The following SEMA6D variants were observed in gnomAD, a reference collection of about 807,000 sequenced individuals.
The protein encoded by SEMA6D is semaphorin 6D, also known as semaphorin-6D.
Under a neutral mutation model 106.6 loss-of-function variants are expected in SEMA6D, and 35 were observed. That is an observed-to-expected ratio of 0.33 (90% CI 0.25 to 0.44). The LOEUF is 0.44. SEMA6D is among the 20% of genes least tolerant of loss of function. SEMA6D has a pLI of 1.00. For synonymous variants in SEMA6D, 499 were observed against 487.7 expected (o/e 1.02, Z -0.31); for missense variants, 1,185 against 1,345.9 (o/e 0.88, Z 1.87).
At chr15:47,409,788 C>A (rs2040722374) in intron 1 of SEMA6D, among the ~76,000 whole-genome samples, 1 of 151,836 alleles carries the variant, frequency 6.6e-6, no homozygotes, top group African/African-American at 2.4e-5. Flanking sequence ...AGTCATAGTC[C>A]ACCTTAAAAA....
intron 1 of SEMA6D, among the ~76,000 whole-genome samples, chr15:47,325,670 C>G (rs1038193400): frequency 6.6e-6 from 1 of 152,132 alleles, no homozygotes; most frequent in African/African-American, 2.4e-5. Context: ...CTTATTGTCC[C>G]TGCTCTCTTC....
At position 47,771,861 on chromosome 15, in the gene SEMA6D, A is replaced by T; in HGVS notation, c.*76A>T. 7.2e-7 allele frequency: 1 copy of T among 1,385,514 alleles called. No individual in the cohort carries two copies. Among genetic ancestry groups the T allele is most frequent in the Middle Eastern group, 1.9e-4 (1 of 5,368 alleles). The allele number at this position is 1,385,514 out of a possible 1,614,324, so 85.8% of individuals were successfully genotyped here. A position where few individuals can be genotyped will look rare whatever the true frequency, so the allele number is the denominator to read the frequency against. On this transcript the variant is annotated 3_prime_UTR_variant, in exon 19 of 19. Transcript: ENST00000536845. The stretch of plus-strand genomic sequence containing the variant: ...AGGATGATGTTGTAAGGGTACCTTA[A>T]AACAAGAGACTCGCTTGTATTTTAA...
intron 4 of SEMA6D, among the ~76,000 whole-genome samples, chr15:47,632,293 G>A (rs1245668157): frequency 6.6e-6 from 1 of 151,918 alleles, no homozygotes. Context: ...TTTTGGGATA[G>A]AGTGTTCTCT....
At chr15:47,335,883 C>G (rs539443144) in intron 1 of SEMA6D, among the ~76,000 whole-genome samples, 20 of 152,190 alleles carry the variant, frequency 1.3e-4, no homozygotes, top group African/African-American at 4.1e-4. Context: ...TGTGGAAGGT[C>G]AAGTGGACCG....
chr15:47,375,994 A>G (rs193106908), intron 1 of SEMA6D, among the ~76,000 whole-genome samples: 1 of 152,352 alleles, frequency 6.6e-6, no homozygotes, highest in African/African-American at 2.4e-5. Context: ...TAAATTGTTT[A>G]TATTATTAGC....
chr15:47,219,905 G>C (rs938042020), intron 1 of SEMA6D, among the ~76,000 whole-genome samples: 1 of 152,158 alleles, frequency 6.6e-6, no homozygotes, highest in African/African-American at 2.4e-5. Flanking sequence ...GATCTTAGTT[G>C]AGCTCTCACA....
intron 3 of SEMA6D, among the ~76,000 whole-genome samples, chr15:47,586,977 C>T (rs1337013738): frequency 6.7e-6 from 1 of 149,340 alleles, no homozygotes; most frequent in African/African-American, 2.5e-5. Flanking sequence ...GGGAAGGCTG[C>T]CAAAGGGTAG....
intron 1 of SEMA6D, among the ~76,000 whole-genome samples, chr15:47,735,131 C>G (rs628501): frequency 0.22 from 33,412 of 152,036 alleles, 4,196 homozygotes; most frequent in South Asian, 0.33. Flanking sequence ...TGATTTTCAG[C>G]CCAAGAAGTT....
chr15:47,214,939 G>T (rs1403113044), intron 1 of SEMA6D, among the ~76,000 whole-genome samples: 3 of 151,748 alleles, frequency 2.0e-5, no homozygotes, highest in African/African-American at 7.3e-5. Context: ...CATTTAGTTT[G>T]TTCTTTCTTT....
At chr15:47,294,921 C>A (rs562125806) in intron 1 of SEMA6D, among the ~76,000 whole-genome samples, 9 of 152,242 alleles carry the variant, frequency 5.9e-5, no homozygotes, top group African/African-American at 2.2e-4. Context: ...CAGTCTGGAA[C>A]AAAATCTGAA....
chr15:47,478,983 GTGAAATCCCCCACCACCCCATGA>G (rs992168806), intron 3 of SEMA6D, among the ~76,000 whole-genome samples: 2 of 152,034 alleles, frequency 1.3e-5, no homozygotes, highest in Non-Finnish European at 2.9e-5. Context: ...AGAACAGCAT[GTGAAATCCCCCACCACCCCATGA>G]TTCAATTGCC....
At chr15:47,307,700 A>T (rs1179123550) in intron 1 of SEMA6D, among the ~76,000 whole-genome samples, 2 of 152,148 alleles carry the variant, frequency 1.3e-5, no homozygotes, top group Non-Finnish European at 1.5e-5. Context: ...TTAAAGGGGG[A>T]TACAATGAGG....
rs537499984 is a variant in SEMA6D, at chr15:47,690,001, C to T, written c.-54-69744C>T. Reference sequence around the variant, plus strand: ...AAAATGTTTCCTGGGCAGGCCAGTTCTGCTGTTAAAAACCCCCTCCATGGC... The same window carrying T: ...AAAATGTTTCCTGGGCAGGCCAGTTTTGCTGTTAAAAACCCCCTCCATGGC... On this transcript the variant is annotated intron_variant, in intron 4 of 19. Transcript: ENST00000558014. Among the ~76,000 whole-genome samples the T allele has an allele frequency of 9.8e-4, 149 of 152,272 alleles. 1 individual carries two copies. Among genetic ancestry groups the T allele is most frequent in the African/African-American group, 3.5e-3 (145 of 41,556 alleles).
chr15:47,548,882 T>C (rs1306636098), intron 3 of SEMA6D, among the ~76,000 whole-genome samples: 2 of 152,140 alleles, frequency 1.3e-5, no homozygotes, highest in Non-Finnish European at 2.9e-5. Context: ...TAATGGACTT[T>C]CCTGGAAGAT....
intron 3 of SEMA6D, among the ~76,000 whole-genome samples, chr15:47,543,017 G>C (rs2045404888): frequency 6.6e-6 from 1 of 152,114 alleles, no homozygotes; most frequent in Admixed American, 6.6e-5. Flanking sequence ...CTGTTGATAG[G>C]TATCTGTTTA....
chr15:47,597,089 A>G (rs2076551527), intron 3 of SEMA6D, among the ~76,000 whole-genome samples: 1 of 152,014 alleles, frequency 6.6e-6, no homozygotes, highest in Non-Finnish European at 1.5e-5. Context: ...GCAGAAAAAT[A>G]AATAACTCAA....
At chr15:47,692,705 G>C (rs2078615610) in intron 4 of SEMA6D, among the ~76,000 whole-genome samples, 2 of 152,152 alleles carry the variant, frequency 1.3e-5, no homozygotes, top group African/African-American at 4.8e-5. Context: ...ATGGCTGGTG[G>C]TGTCTCCTGG....
intron 2 of SEMA6D, among the ~76,000 whole-genome samples, chr15:47,465,668 T>C (rs1006267317): frequency 3.3e-5 from 5 of 152,092 alleles, no homozygotes; most frequent in Non-Finnish European, 7.4e-5. Context: ...ACCTCCTCCT[T>C]CTCTCTCTTC....
At chr15:47,220,725 T>C (rs1419683976) in intron 1 of SEMA6D, among the ~76,000 whole-genome samples, 2 of 152,224 alleles carry the variant, frequency 1.3e-5, no homozygotes, top group African/African-American at 4.8e-5. Context: ...GTCTTTCTGG[T>C]CTCTCACAGG....
Sources: allele counts gnomAD v4.1 joint callset (sites outside exome capture counted in the v4.1 genomes callset), GRCh38; gene constraint gnomAD v4.1.1; transcripts MANE v1.5; gene names NCBI Gene and HGNC (gene_info 2026-07-23, HGNC 2026-07-21).